The following AVEN variants were observed in gnomAD, a reference collection of about 807,000 sequenced individuals.
AVEN encodes the protein cell death regulator Aven.
A neutral mutation model predicts 38.1 loss-of-function variants in AVEN; 41 were observed. That is an observed-to-expected ratio of 1.08 (90% CI 0.84 to 1.40). The LOEUF (loss-of-function observed/expected upper bound fraction) is 1.40, where lower values mean the gene tolerates loss of function less well. Among genes scored for constraint, AVEN ranks in the 40% most tolerant of loss-of-function variants. The probability of loss-of-function intolerance (pLI) is 0.00; values close to 1 mark genes in which losing one functional copy is unlikely to be tolerated. For synonymous variants in AVEN, 206 were observed against 171.8 expected (o/e 1.20, Z -1.56); for missense variants, 605 against 438.8 (o/e 1.38, Z -3.38).
At chr15:34,021,341 A>G (rs565328704) in intron 1 of AVEN, among the ~76,000 whole-genome samples, 12 of 151,444 alleles carry the variant, frequency 7.9e-5, no homozygotes, top group East Asian at 2.0e-4. Context: ...ACTGGAGTAC[A>G]ATGGCGCCAT....
At chr15:33,930,894 G>C (rs1233994156) in intron 2 of AVEN, among the ~76,000 whole-genome samples, 2 of 149,250 alleles carry the variant, frequency 1.3e-5, no homozygotes, top group African/African-American at 5.0e-5. Flanking sequence ...GGCGGAGCTT[G>C]CAGTGAGCCA....
At chr15:33,966,757 T>C (rs501012) in intron 2 of AVEN, among the ~76,000 whole-genome samples, 122,394 of 152,138 alleles carry the variant, frequency 0.8, 54,307 homozygotes, top group Non-Finnish European at 0.97. Flanking sequence ...CATGCTATTG[T>C]ATTCTTGGAA....
chr15:33,859,379 C>T (rs764099725), intron 11 of AVEN, among the ~76,000 whole-genome samples: 1 of 152,182 alleles, frequency 6.6e-6, no homozygotes, highest in South Asian at 2.1e-4. Context: ...ACAGTCTTTC[C>T]ATCTTTGTAG....
At chr15:33,978,223 C>G (rs192456262) in intron 2 of AVEN, among the ~76,000 whole-genome samples, 1 of 152,130 alleles carries the variant, frequency 6.6e-6, no homozygotes, top group East Asian at 1.9e-4. Context: ...CAAAGTGACA[C>G]GTATTACTAA....
intron 2 of AVEN, among the ~76,000 whole-genome samples, chr15:33,889,888 G>A (rs7180788): frequency 0.82 from 124,677 of 152,112 alleles, 55,190 homozygotes; most frequent in Non-Finnish European, 0.98. Context: ...GGGGAGACTC[G>A]AAGCTTGGTC....
the AVEN span, chr15:33,853,204 A>G: frequency 1.0e-6 from 1 of 996,588 alleles, no homozygotes; most frequent in East Asian, 2.6e-5. Context: ...ATAATATCTC[A>G]AGAAGAGTAA....
At position 33,867,531 on chromosome 15, in the gene AVEN, A is replaced by C. The variant is rs538125732; in HGVS notation, c.937T>G (p.Ser313Ala). The stretch of plus-strand genomic sequence containing the variant: ...TGGACCACCTCCCCATCTTCCTTGG[A>C]TTTCAGGTCCTGAGACGTCTGATCT... ...LPDQTSQDLK[S>A]KEDGEVVQEE... is the part of the protein sequence containing the mutation. The change falls in exon 5 of 6, where the codon TCC becomes GCC. Residue 313 changes from serine (S) to alanine (A), a missense_variant. Transcript: ENST00000306730. 11 of 1,598,714 alleles carry C rather than the reference A, an allele frequency of 6.9e-6. No individual in the cohort carries two copies. The South Asian group carries it at 1.1e-4, about 17-fold the overall frequency.
intron 2 of AVEN, among the ~76,000 whole-genome samples, chr15:33,905,760 C>T (rs1230409980): frequency 1.3e-5 from 2 of 150,616 alleles, no homozygotes; most frequent in South Asian, 2.1e-4. Context: ...GTGGAAGTTG[C>T]AGTGAGCCAA....
intron 1 of AVEN, among the ~76,000 whole-genome samples, chr15:34,023,833 CAT>C (rs1898318662): frequency 1.3e-5 from 2 of 152,274 alleles, no homozygotes; most frequent in East Asian, 1.9e-4. Flanking sequence ...AGAAAGAAAA[CAT>C]GTGTTAGAAA....
chr15:33,990,031 C>T (rs1467747616), intron 2 of AVEN, among the ~76,000 whole-genome samples: 4 of 151,572 alleles, frequency 2.6e-5, no homozygotes, highest in East Asian at 1.9e-4. Flanking sequence ...GGTGAAACCC[C>T]GTCTCTACTA....
At chr15:34,038,688 T>C in intron 1 of AVEN, 92 bp downstream of exon 1, 1 of 1,071,996 alleles carries the variant, frequency 9.3e-7, no homozygotes, top group Non-Finnish European at 1.1e-6. Flanking sequence ...GGCGCGCGCC[T>C]GGCACGCTCT....
intron 2 of AVEN, among the ~76,000 whole-genome samples, chr15:33,972,952 C>G (rs933331945): frequency 3.3e-5 from 5 of 152,214 alleles, no homozygotes; most frequent in Non-Finnish European, 7.3e-5. Flanking sequence ...TACAGTTACA[C>G]AGATTGCTTG....
chr15:34,058,856 A>C (rs1002339361), intron 5 of AVEN, among the ~76,000 whole-genome samples: 2 of 152,182 alleles, frequency 1.3e-5, no homozygotes, highest in Non-Finnish European at 2.9e-5. Flanking sequence ...AAGTCATAGA[A>C]ATGTAGGTAT....
intron 2 of AVEN, among the ~76,000 whole-genome samples, chr15:33,901,857 T>C (rs981692407): frequency 2.2e-4 from 30 of 139,122 alleles, no homozygotes; most frequent in African/African-American, 7.2e-4. Context: ...TTTAAACAGA[T>C]TGTTTTTCTG....
chr15:34,045,700 A>G (rs1431334869), intron 5 of AVEN, among the ~76,000 whole-genome samples: 1 of 148,232 alleles, frequency 6.7e-6, no homozygotes, highest in Non-Finnish European at 1.5e-5. Flanking sequence ...AAAGCTTCTC[A>G]TAAAAAAAAA....
chr15:34,010,670 AAG>A (rs1228889994), intron 1 of AVEN, among the ~76,000 whole-genome samples: 2 of 152,238 alleles, frequency 1.3e-5, no homozygotes, highest in Non-Finnish European at 2.9e-5. Context: ...AGAAATGAGA[AAG>A]AACACATTTA....
intron 2 of AVEN, among the ~76,000 whole-genome samples, chr15:33,878,655 C>T (rs1326342227): frequency 6.6e-6 from 1 of 151,970 alleles, no homozygotes; most frequent in East Asian, 1.9e-4. Context: ...CAAAAGATGA[C>T]AGGCTGAGAA....
chr15:34,070,086 A>G (rs959956409), intron 2 of AVEN, among the ~76,000 whole-genome samples: 8 of 152,186 alleles, frequency 5.3e-5, no homozygotes, highest in Non-Finnish European at 1.0e-4. Flanking sequence ...ACTTACAATC[A>G]TGACTGAAGT....
intron 5 of AVEN, among the ~76,000 whole-genome samples, 188 bp downstream of exon 5, chr15:33,867,307 G>A (rs1319478259): frequency 6.6e-6 from 1 of 152,068 alleles, no homozygotes; most frequent in Non-Finnish European, 1.5e-5. Flanking sequence ...TGTGTCGCGT[G>A]AGAGGAAGGT....
Sources: allele counts gnomAD v4.1 joint callset (sites outside exome capture counted in the v4.1 genomes callset), GRCh38; gene constraint gnomAD v4.1.1; transcripts MANE v1.5; gene names NCBI Gene and HGNC (gene_info 2026-07-23, HGNC 2026-07-21).